Variants in STK33 observed in about 807,000 individuals in gnomAD.
STK33 encodes the protein serine/threonine-protein kinase 33.
STK33 carries 52 observed loss-of-function variants against 58.0 expected under a neutral mutation model. The ratio of observed to expected loss-of-function variants is 0.90; its 90% CI spans 0.72 to 1.13. STK33 has a LOEUF of 1.13. Ranked by LOEUF, STK33 falls within the 50% of genes most tolerant of loss-of-function variation. The pLI is 0.00. For synonymous variants in STK33, 215 were observed against 200.1 expected (o/e 1.07, Z -0.63); for missense variants, 630 against 604.2 (o/e 1.04, Z -0.45).
intron 1 of STK33, among the ~76,000 whole-genome samples, chr11:8,513,845 T>C (rs1952539190): frequency 6.6e-6 from 1 of 152,184 alleles, no homozygotes; most frequent in Admixed American, 6.5e-5. Flanking sequence ...TTAGTTATTT[T>C]TAAATGTACA....
intron 11 of STK33, among the ~76,000 whole-genome samples, chr11:8,448,369 C>G (rs1411747678): frequency 6.6e-6 from 1 of 152,190 alleles, no homozygotes; most frequent in East Asian, 1.9e-4. Context: ...ATCACGCTAC[C>G]TGACTTCAAA....
chr11:8,488,939 A>T (rs920997098), intron 1 of STK33, among the ~76,000 whole-genome samples: 4 of 152,234 alleles, frequency 2.6e-5, no homozygotes, highest in Non-Finnish European at 5.9e-5. Flanking sequence ...AAATATGTTC[A>T]AAGTGCTGAA....
At chr11:8,441,945 C>T (rs139613655) in intron 11 of STK33, among the ~76,000 whole-genome samples, 1 of 152,086 alleles carries the variant, frequency 6.6e-6, no homozygotes, top group African/African-American at 2.4e-5. Context: ...CCTAATGTTA[C>T]ACAGCTGCAG....
chr11:8,374,706 C>T, the STK33 span, among the ~76,000 whole-genome samples: 1 of 152,192 alleles, frequency 6.6e-6, no homozygotes, highest in African/African-American at 2.4e-5. Flanking sequence ...GAGCTTTACA[C>T]AATAATTTGG....
chr11:8,553,214 T>C (rs1565347861), intron 1 of STK33, among the ~76,000 whole-genome samples: 2 of 103,230 alleles, frequency 1.9e-5, no homozygotes, highest in Admixed American at 1.0e-4. Context: ...TATATATATA[T>C]ATATATATAT....
At chr11:8,499,676 A>G (rs1951355981) in intron 1 of STK33, among the ~76,000 whole-genome samples, 2 of 152,184 alleles carry the variant, frequency 1.3e-5, no homozygotes, top group African/African-American at 4.8e-5. Flanking sequence ...CAAGCCAAAT[A>G]TCCATCAATG....
At chr11:8,557,638 T>C (rs1184023078) in intron 1 of STK33, among the ~76,000 whole-genome samples, 1 of 152,230 alleles carries the variant, frequency 6.6e-6, no homozygotes, top group East Asian at 1.9e-4. Context: ...AAGGCAATTA[T>C]AGACTTGTAA....
chr11:8,347,936 T>C, the STK33 span, among the ~76,000 whole-genome samples: 10 of 152,218 alleles, frequency 6.6e-5, no homozygotes, highest in Admixed American at 6.5e-5. Context: ...TCTAAACCAC[T>C]GCCTGGATGG....
intron 15 of STK33, among the ~76,000 whole-genome samples, chr11:8,397,909 G>C (rs879608100): frequency 6.6e-6 from 1 of 152,090 alleles, no homozygotes; most frequent in Non-Finnish European, 1.5e-5. Context: ...GAAGTTTAGA[G>C]AAAAAAGAAT....
At chr11:8,401,667 A>G (rs916941567) in intron 15 of STK33, among the ~76,000 whole-genome samples, 1 of 152,244 alleles carries the variant, frequency 6.6e-6, no homozygotes, top group Admixed American at 6.5e-5. Context: ...AGAAACTACC[A>G]TCAGAGTGAA....
At chr11:8,570,152 T>A (rs1001244028) in intron 1 of STK33, among the ~76,000 whole-genome samples, 24 of 152,114 alleles carry the variant, frequency 1.6e-4, no homozygotes, top group African/African-American at 2.4e-5. Flanking sequence ...GTTCAATTAA[T>A]AGATAAAATT....
chr11:8,387,336 A>G (rs1424154175), downstream of STK33, among the ~76,000 whole-genome samples: 6 of 152,200 alleles, frequency 3.9e-5, no homozygotes. Context: ...AGAGGCATAT[A>G]GTACAACAGT....
chr11:8,338,216 T>C, the STK33 span, among the ~76,000 whole-genome samples: 8 of 152,138 alleles, frequency 5.3e-5, no homozygotes, highest in Non-Finnish European at 1.2e-4. Flanking sequence ...CATACCGGCT[T>C]CTGTGATCCA....
chr11:8,379,489 G>A, the STK33 span, among the ~76,000 whole-genome samples: 3 of 152,000 alleles, frequency 2.0e-5, no homozygotes, highest in African/African-American at 7.3e-5. Flanking sequence ...GAAAAGACAT[G>A]AACAGACATT....
chr11:8,577,545 T>C (rs1257757762), intron 1 of STK33, among the ~76,000 whole-genome samples: 1 of 152,114 alleles, frequency 6.6e-6, no homozygotes, highest in Non-Finnish European at 1.5e-5. Flanking sequence ...TCTGGGTATA[T>C]AAATATATTA....
chr11:8,570,844 T>C (rs1312596759), intron 1 of STK33, among the ~76,000 whole-genome samples: 2 of 152,144 alleles, frequency 1.3e-5, no homozygotes, highest in African/African-American at 2.4e-5. Flanking sequence ...ACTTTAAGCA[T>C]AGGTAGTTTA....
chr11:8,410,896 T>A (rs1940126281), intron 15 of STK33, among the ~76,000 whole-genome samples: 1 of 152,258 alleles, frequency 6.6e-6, no homozygotes, highest in East Asian at 1.9e-4. Context: ...TTGTATTGCA[T>A]CTAGAGATTC....
chr11:8,374,316 G>T, the STK33 span, among the ~76,000 whole-genome samples: 1 of 152,190 alleles, frequency 6.6e-6, no homozygotes, highest in African/African-American at 2.4e-5. Context: ...GGAGGTTGGG[G>T]GCGTTGGTAG....
intron 11 of STK33, among the ~76,000 whole-genome samples, chr11:8,451,616 T>A (rs1946289954): frequency 6.6e-6 from 1 of 152,190 alleles, no homozygotes; most frequent in South Asian, 2.1e-4. Context: ...GGAATAAGAT[T>A]GAGTATAAAC....
Sources: gnomAD v4.1 joint callset for allele counts (sites outside exome capture counted in the v4.1 genomes callset) on GRCh38, gnomAD v4.1.1 for gene constraint, MANE v1.5 for transcripts, NCBI Gene and HGNC (gene_info 2026-07-23, HGNC 2026-07-21) for gene names.